The following CACNA2D2 variants were observed in gnomAD, a reference collection of about 807,000 sequenced individuals.
The protein encoded by CACNA2D2 is calcium voltage-gated channel auxiliary subunit alpha2delta 2.
A neutral mutation model predicts 166.4 loss-of-function variants in CACNA2D2; 48 were observed. That is an observed-to-expected ratio of 0.29 (90% CI 0.23 to 0.37). The LOEUF (loss-of-function observed/expected upper bound fraction) is 0.37. Among genes scored for constraint, CACNA2D2 ranks in the 10% least tolerant of loss-of-function variants. CACNA2D2 has a pLI of 1.00. For synonymous variants in CACNA2D2, 561 were observed against 573.7 expected, an observed-to-expected ratio of 0.98 and a Z score of 0.32; for missense variants, 1,122 against 1,433.0, an observed-to-expected ratio of 0.78 and a Z score of 3.50.
chr3:50,476,929 CTTTTTTTTT>C (rs61469495), intron 1 of CACNA2D2, among the ~76,000 whole-genome samples: 2 of 135,242 alleles, frequency 1.5e-5, no homozygotes, highest in African/African-American at 5.4e-5. Flanking sequence ...GTTTCTTTTT[CTTTTTTTTT>C]TTTTTTTTTG....
intron 3 of CACNA2D2, among the ~76,000 whole-genome samples, chr3:50,413,478 C>A (rs1238308235): frequency 6.6e-6 from 1 of 152,096 alleles, no homozygotes; most frequent in Non-Finnish European, 1.5e-5. Context: ...CTGGACCAAG[C>A]ACTGCGGGAC....
At chr3:50,433,496 A>G (rs1046460586) in intron 3 of CACNA2D2, among the ~76,000 whole-genome samples, 1 of 152,132 alleles carries the variant, frequency 6.6e-6, no homozygotes, top group African/African-American at 2.4e-5. Flanking sequence ...CTGAGACTAC[A>G]GGTGTGCATC....
rs144559371 is a variant in CACNA2D2 at position 50,363,687 on chromosome 3, C to G, written c.*979G>C. The G allele has an allele frequency of 9.5e-4, 155 of 163,250 alleles. 1 individual carries two copies. The East Asian group carries it at 0.018, about 19-fold the overall frequency. 10.1% of individuals were successfully genotyped at this position (163,250 alleles called of 1,614,324 possible). A position where few individuals can be genotyped will look rare whatever the true frequency, so the allele number is the denominator to read the frequency against. ...GTGGGGGTTCCTCTGCCGAAAGGTG[C>G]AGGCAGTGGCATGTGGTCCCACTGG... On this transcript the variant is annotated 3_prime_UTR_variant, in exon 38 of 38. Transcript: ENST00000424201.
chr3:50,440,404 A>G (rs952242393), intron 2 of CACNA2D2, among the ~76,000 whole-genome samples: 2 of 152,272 alleles, frequency 1.3e-5, no homozygotes, highest in Non-Finnish European at 2.9e-5. Flanking sequence ...CTAAGTGGCC[A>G]TGCCACACTG....
In CACNA2D2 at chr3:50,365,024, G is replaced by T. The variant is rs1163832212; in HGVS notation, c.3208+51C>A. 11 of 1,601,514 alleles carry T rather than the reference G, an allele frequency of 6.9e-6. No individual in the cohort carries two copies. Among genetic ancestry groups the T allele is most frequent in the Non-Finnish European group, 8.5e-6 (10 of 1,174,338 alleles). Reference sequence around the variant, plus strand: ...GGACGGCGGCGGCGGCACGGAGGGGGCGCGCGGGGCAGAGGGGGAGCGGGC... The same window carrying T: ...GGACGGCGGCGGCGGCACGGAGGGGTCGCGCGGGGCAGAGGGGGAGCGGGC... On this transcript the variant is annotated intron_variant, in intron 36 of 37. Coordinates refer to ENST00000424201, the MANE Select transcript of CACNA2D2 (RefSeq NM_006030.4). The surrounding 1 kb of genome is among the most constrained non-coding windows in gnomAD (Gnocchi z 4.5).
intron 1 of CACNA2D2, among the ~76,000 whole-genome samples, chr3:50,500,761 C>T (rs1698931839): frequency 7.8e-6 from 1 of 127,962 alleles, no homozygotes; most frequent in African/African-American, 2.9e-5. Context: ...CCCCACCCCC[C>T]GCCCAAAAAA....
rs1187647873 is a variant in CACNA2D2 at position 50,366,777 on chromosome 3, G to A, written c.2589+54C>T. 3 of 1,579,318 alleles carry A rather than the reference G, an allele frequency of 1.9e-6. No homozygotes were observed. Among genetic ancestry groups the A allele is most frequent in the African/African-American group, 1.3e-5 (1 of 74,166 alleles). On this transcript the variant is annotated intron_variant, in intron 29 of 37. Coordinates refer to ENST00000424201, the MANE Select transcript of CACNA2D2 (RefSeq NM_006030.4). The surrounding 1 kb of genome is among the most constrained non-coding windows in gnomAD (Gnocchi z 5.9). ...GAGTGGAGGGTTGGTGGGGGTTCCA[G>A]GGGACTCCAGGAAGGGCACTGCTGG...
At chr3:50,431,980 CAAAA>C (rs57712165) in intron 3 of CACNA2D2, among the ~76,000 whole-genome samples, 20,083 of 92,072 alleles carry the variant, frequency 0.22, 1,887 homozygotes, top group East Asian at 0.44. Flanking sequence ...GTGTCTGTCT[CAAAA>C]AAAAAAAAAA....
intron 1 of CACNA2D2, among the ~76,000 whole-genome samples, chr3:50,481,491 G>T (rs1055817339): frequency 6.6e-6 from 1 of 152,176 alleles, no homozygotes; most frequent in African/African-American, 2.4e-5. Context: ...GTGGATACTA[G>T]GGGTGGGCAG....
intron 16 of CACNA2D2, 42 bp from the exon 17 acceptor site, chr3:50,377,583 C>T (rs1018025783): frequency 6.3e-7 from 1 of 1,595,882 alleles, no homozygotes; most frequent in African/African-American, 1.3e-5. Context: ...GAGCTCAATT[C>T]CATGGGGAAC....
At position 50,365,043 on chromosome 3, in the gene CACNA2D2, A is replaced by G. The variant is rs1272785692; in HGVS notation, c.3208+32T>C. On this transcript the variant is annotated intron_variant, in intron 36 of 37. Coordinates refer to ENST00000424201, the MANE Select transcript of CACNA2D2 (RefSeq NM_006030.4). The surrounding 1 kb of genome is among the most constrained non-coding windows in gnomAD (Gnocchi z 4.5). ...GAGGGGGCGCGCGGGGCAGAGGGGGAGCGGGCGGCGGGGAGGGCGGGGGCA... is the reference window on the plus strand; with the variant it reads ...GAGGGGGCGCGCGGGGCAGAGGGGGGGCGGGCGGCGGGGAGGGCGGGGGCA... 2.1e-6 allele frequency: 3 copies of G among 1,440,704 alleles called. No homozygotes were observed. Among genetic ancestry groups the G allele is most frequent in the East Asian group, 2.7e-5 (1 of 37,190 alleles). 89.2% of individuals were successfully genotyped at this position (1,440,704 alleles called of 1,614,324 possible).
chr3:50,451,852 G>A (rs1421273704), intron 2 of CACNA2D2, among the ~76,000 whole-genome samples: 2 of 152,300 alleles, frequency 1.3e-5, no homozygotes, highest in Non-Finnish European at 2.9e-5. Flanking sequence ...AGGAGGTGGA[G>A]GCGTGGCAAT....
In CACNA2D2 at chr3:50,367,071, C is replaced by A; in HGVS notation, c.2440G>T (p.Gly814Cys). 6.2e-7 allele frequency: 1 copy of A among 1,613,726 alleles called. No individual in the cohort carries two copies. Among genetic ancestry groups the A allele is most frequent in the South Asian group, 1.1e-5 (1 of 91,080 alleles). Residue 814 changes from glycine to cysteine, a missense_variant, in exon 28 of 38, where the codon GGC becomes TGC. Physicochemically the swap from Gly to Cys is radical, Grantham distance 159. This residue lies in a region of CACNA2D2 where 840 missense variants were observed against 1,166.8 expected (regional missense o/e 0.72). Transcript: ENST00000424201. This position sits in a 1 kb window ranked among gnomAD's most constrained non-coding sequence, Gnocchi z 6.5. Reference sequence around the variant, plus strand: ...TCCACAGCTGTGCTGACGAGGATGCCCACAGTGTCATTCTCCAGCTCCAGC... The same window carrying A: ...TCCACAGCTGTGCTGACGAGGATGCACACAGTGTCATTCTCCAGCTCCAGC... ...RPLELENDTV[G>C]ILVSTAVELS...
chr3:50,420,387 G>A (rs899607086), intron 3 of CACNA2D2, among the ~76,000 whole-genome samples: 7 of 152,198 alleles, frequency 4.6e-5, no homozygotes, highest in African/African-American at 1.7e-4. Context: ...GGGGAGTGGT[G>A]GGGGCTCAGC....
At chr3:50,403,471 T>G (rs1706547148) in intron 3 of CACNA2D2, among the ~76,000 whole-genome samples, 1 of 152,194 alleles carries the variant, frequency 6.6e-6, no homozygotes. Context: ...CCTGCAGCCC[T>G]GCTTGGCTTC....
intron 2 of CACNA2D2, among the ~76,000 whole-genome samples, chr3:50,462,387 A>AAAT (rs55797246): frequency 0.18 from 24,126 of 137,414 alleles, 2,168 homozygotes; most frequent in Middle Eastern, 0.23. Flanking sequence ...GACTGTCTCA[A>AAAT]AATAATAATA....
Position 50,366,351 on chromosome 3 carries a change from G to GAATGGGGAGGAA in CACNA2D2, c.2638-25_2638-14dup. The GAATGGGGAGGAA allele has an allele frequency of 6.2e-7, 1 of 1,613,516 alleles. No individual in the cohort carries two copies. On this transcript the variant is annotated splice_polypyrimidine_tract_variant and intron_variant, in intron 30 of 37. Transcript: ENST00000424201. This position sits in a 1 kb window ranked among gnomAD's most constrained non-coding sequence, Gnocchi z 5.9. ...CACAGAGTAAGTCCTAGGAGGAAGG[G>GAATGGGGAGGAA]AATGGGGAGGAAAATGGAGAGGGGC...
intron 5 of CACNA2D2, among the ~76,000 whole-genome samples, chr3:50,386,829 G>A (rs967955997): frequency 2.0e-5 from 3 of 152,192 alleles, no homozygotes; most frequent in Non-Finnish European, 2.9e-5. Context: ...AACTACTTTT[G>A]CCTTAAAGTC....
At chr3:50,430,846 G>A (rs1461572061) in intron 3 of CACNA2D2, among the ~76,000 whole-genome samples, 1 of 152,156 alleles carries the variant, frequency 6.6e-6, no homozygotes, top group Non-Finnish European at 1.5e-5. Context: ...TTCCAAGACA[G>A]GTACCCCTCC....
Sources: gnomAD v4.1 joint callset for allele counts (sites outside exome capture counted in the v4.1 genomes callset) on GRCh38, gnomAD v4.1.1 for gene constraint, gnomAD v4.1.1 regional missense constraint, Gnocchi (gnomAD v3.1) non-coding constraint, MANE v1.5 for transcripts, NCBI Gene and HGNC (gene_info 2026-07-23, HGNC 2026-07-21) for gene names.